The following VANGL1 variants were observed in gnomAD, a reference collection of about 807,000 sequenced individuals.
VANGL1 encodes VANGL planar cell polarity protein 1, also known as vang-like protein 1.
VANGL1 carries 18 observed loss-of-function variants against 48.4 expected under a neutral mutation model. The ratio of observed to expected loss-of-function variants is 0.37; its 90% CI spans 0.26 to 0.55. VANGL1 has a LOEUF of 0.55. VANGL1 is among the 20% of genes least tolerant of loss of function. VANGL1 has a pLI of 0.81. For synonymous variants in VANGL1, 257 were observed against 261.8 expected (o/e 0.98, Z 0.18); for missense variants, 667 against 675.8 (o/e 0.99, Z 0.14).
intron 2 of VANGL1, 69 bp downstream of exon 2, chr1:115,651,553 C>G: frequency 7.1e-7 from 1 of 1,409,442 alleles, no homozygotes; most frequent in Non-Finnish European, 1.0e-6. Flanking sequence ...GTTCTCTACA[C>G]TCACTTTTCA....
rs1653566421 is a variant in VANGL1, at chr1:115,685,409, C to T, written c.1196C>T (p.Pro399Leu). ...AGGGAGGCCGCCCAGGCCATTTTCC[C>T]CTCCATGGCCAGGGCTCTCCAGAAG... ...DPREAAQAIF[P>L]SMARALQKYL... The change falls in exon 7 of 8, where the codon CCC becomes CTC. Residue 399 changes from proline (P) to leucine (L), a missense_variant. By Grantham distance (98) the Pro-to-Leu change is moderately conservative. Coordinates refer to ENST00000355485, the MANE Select transcript of VANGL1 (RefSeq NM_138959.3). 1 of 1,614,050 alleles carries T rather than the reference C, an allele frequency of 6.2e-7. No individual in the cohort carries two copies. The highest frequency in any genetic ancestry group is 1.3e-5 in the African/African-American group (1 of 74,920).
Position 115,680,028 on chromosome 1 carries a change from AGAG to A in VANGL1, c.813-2335_813-2333del, listed in dbSNP as rs1557773481. 6.1e-3 allele frequency among the ~76,000 whole-genome samples: 811 copies of A among 132,008 alleles called. 2 individuals carry two copies. The highest frequency in any genetic ancestry group is 0.024 in the East Asian group (116 of 4,860). 86.6% of individuals were successfully genotyped at this position (132,008 alleles called of 152,430 possible). A position where few individuals can be genotyped will look rare whatever the true frequency, so the allele number is the denominator to read the frequency against. On this transcript the variant is annotated intron_variant, in intron 4 of 7. Coordinates refer to ENST00000355485, the MANE Select transcript of VANGL1 (RefSeq NM_138959.3). Reference sequence around the variant, plus strand: ...GTGTGTGTGTGTGTGTGTGTATGTGAGAGAGAGAGAGAGAGAGATCAGGGAGAG... The same window carrying A: ...GTGTGTGTGTGTGTGTGTGTATGTGAAGAGAGAGAGAGAGATCAGGGAGAG...
At chr1:115,668,768 C>T (rs1025668349) in intron 4 of VANGL1, among the ~76,000 whole-genome samples, 16 of 152,208 alleles carry the variant, frequency 1.1e-4, no homozygotes, top group Admixed American at 1.0e-3. Context: ...CTTCTCATGG[C>T]CTCTCCTTGT....
chr1:115,649,955 T>C (rs1227480856), intron 1 of VANGL1, among the ~76,000 whole-genome samples: 2 of 152,012 alleles, frequency 1.3e-5, no homozygotes, highest in Admixed American at 1.3e-4. Context: ...AGAAGTGAAA[T>C]GGTAAGTCAG....
chr1:115,664,618 G>A (rs768189575), intron 4 of VANGL1, among the ~76,000 whole-genome samples: 10 of 152,178 alleles, frequency 6.6e-5, no homozygotes, highest in Non-Finnish European at 7.3e-5. Context: ...AAAGTGACCA[G>A]CAGCTCCATT....
intron 2 of VANGL1, among the ~76,000 whole-genome samples, chr1:115,653,813 A>T (rs1227779971): frequency 6.6e-6 from 1 of 152,254 alleles, no homozygotes; most frequent in East Asian, 1.9e-4. Context: ...TTAATCAATT[A>T]TTCAAAAAAT....
chr1:115,686,690 A>G (rs1056802452), intron 7 of VANGL1, among the ~76,000 whole-genome samples: 1 of 152,134 alleles, frequency 6.6e-6, no homozygotes, highest in African/African-American at 2.4e-5. Flanking sequence ...CTGTAATCTA[A>G]AAGACCGTTT....
chr1:115,643,294 T>C (rs1286483724), intron 1 of VANGL1, among the ~76,000 whole-genome samples: 3 of 152,228 alleles, frequency 2.0e-5, no homozygotes, highest in Non-Finnish European at 4.4e-5. Flanking sequence ...CTAATTAGCA[T>C]TCTCCCGTCA....
At chr1:115,678,153 C>T (rs538119665) in intron 4 of VANGL1, among the ~76,000 whole-genome samples, 17 of 152,246 alleles carry the variant, frequency 1.1e-4, no homozygotes, top group Non-Finnish European at 2.5e-4. Flanking sequence ...GCAAGACCAG[C>T]TTCCTTGACT....
rs532410452 is a variant in VANGL1 at position 115,685,299 on chromosome 1, G to A, written c.1086G>A (p.Val362=). Reference sequence around the variant, plus strand: ...GTGTTGCATCACCTTCTAGGCTGGTGGTTGCAGTGGAAGAGGCCTTCATCC... The same window carrying A: ...GTGTTGCATCACCTTCTAGGCTGGTAGTTGCAGTGGAAGAGGCCTTCATCC... ...RRVKKRKARL[V]VAVEEAFIHI... Residue 362 remains valine (V), a synonymous_variant, in exon 7 of 8, where the codon GTG becomes GTA. Transcript: ENST00000355485. 1.6e-5 allele frequency: 26 copies of A among 1,614,078 alleles called. No individual in the cohort carries two copies. The African/African-American group carries it at 2.9e-4, about 18-fold the overall frequency.
chr1:115,691,149 C>A lies in VANGL1; in HGVS notation c.1345C>A (p.Pro449Thr). The change falls in exon 8 of 8, where the codon CCC becomes ACC. Residue 449 changes from proline to threonine, a missense_variant. Physicochemically the swap from Pro to Thr is conservative, Grantham distance 38. Coordinates refer to ENST00000355485, the MANE Select transcript of VANGL1 (RefSeq NM_138959.3). ...CCTAGAACGGTACCTCAGTGCGGGC[C>A]CCACCCTGCAATATGACAAGGACCG... The part of the protein sequence containing the change: ...AFLERYLSAG[P>T]TLQYDKDRWL... 6.2e-7 allele frequency: 1 copy of A among 1,614,142 alleles called. No homozygotes were observed. The highest frequency in any genetic ancestry group is 8.5e-7 in the Non-Finnish European group (1 of 1,180,028).
chr1:115,675,195 C>G (rs1371004613), intron 4 of VANGL1, among the ~76,000 whole-genome samples: 3 of 152,108 alleles, frequency 2.0e-5, no homozygotes, highest in African/African-American at 7.2e-5. Flanking sequence ...CATTTGGGAG[C>G]TTGTAAAAAG....
At chr1:115,677,107 T>C (rs1194816391) in intron 4 of VANGL1, among the ~76,000 whole-genome samples, 3 of 152,244 alleles carry the variant, frequency 2.0e-5, no homozygotes, top group Admixed American at 6.5e-5. Flanking sequence ...GGGGAGGCAG[T>C]GGATGGTCTA....
rs4620545 is a variant in VANGL1, at chr1:115,684,296, G to A, written c.1079+220G>A. Among the ~76,000 whole-genome samples, 100,995 of 151,564 alleles carry A rather than the reference G, an allele frequency of 0.67. 33,837 individuals are homozygous for A. The highest frequency in any genetic ancestry group is 0.75 in the South Asian group (3,581 of 4,772). On this transcript the variant is annotated intron_variant, in intron 6 of 7. Transcript: ENST00000355485. ...TGCGATCACAGGCGCCCACCACCAC[G>A]CCCGGCTAATATTTGGTATTTTTAG...
chr1:115,682,568 A>G, intron 5 of VANGL1, 71 bp downstream of exon 5: 1 of 1,611,470 alleles, frequency 6.2e-7, no homozygotes, highest in South Asian at 1.1e-5. Context: ...GATTCATGGT[A>G]CGTTTGGTTC....
In VANGL1 at chr1:115,682,418, C is replaced by A. The variant is rs868487713; in HGVS notation, c.867C>A (p.Ile289=). 32 of 1,614,202 alleles carry A rather than the reference C, an allele frequency of 2.0e-5. 1 individual carries two copies. In the Middle Eastern group the frequency reaches 4.9e-3, roughly 250 times the overall value. Residue 289 remains isoleucine (I), a synonymous_variant, in exon 5 of 8, where the codon ATC becomes ATA. Transcript: ENST00000355485. ...VLENYYKDFT[I]YNPNLLTASK... ...AAAATTACTACAAAGATTTCACCAT[C>A]TATAACCCAAACCTCCTAACAGCCT...
At chr1:115,676,693 A>G (rs1653179698) in intron 4 of VANGL1, among the ~76,000 whole-genome samples, 1 of 152,186 alleles carries the variant, frequency 6.6e-6, no homozygotes, top group African/African-American at 2.4e-5. Flanking sequence ...AGAACTTGGA[A>G]TCATCCCAAT....
At chr1:115,679,652 G>A (rs1653302553) in intron 4 of VANGL1, among the ~76,000 whole-genome samples, 1 of 152,242 alleles carries the variant, frequency 6.6e-6, no homozygotes, top group African/African-American at 2.4e-5. Context: ...GAATTAATGG[G>A]ATTCCCTTGA....
intron 4 of VANGL1, 48 bp downstream of exon 4, chr1:115,664,316 G>T (rs1433152751): frequency 6.3e-7 from 1 of 1,599,636 alleles, no homozygotes; most frequent in Non-Finnish European, 8.5e-7. Context: ...ATGTCTTGCT[G>T]GGAGACAGCT....
Sources: gnomAD v4.1 joint callset for allele counts (sites outside exome capture counted in the v4.1 genomes callset) on GRCh38, gnomAD v4.1.1 for gene constraint, MANE v1.5 for transcripts, NCBI Gene and HGNC (gene_info 2026-07-23, HGNC 2026-07-21) for gene names.